ZNF410: variants seen among roughly 807,000 people sequenced by gnomAD.
ZNF410 encodes the protein another partner for ARF 1.
Under a neutral mutation model 54.8 loss-of-function variants are expected in ZNF410, and 18 were observed. The observed-to-expected ratio is 0.33, with a 90% confidence interval of 0.23 to 0.49. ZNF410 has a LOEUF of 0.49. ZNF410 is among the 20% of genes least tolerant of loss of function. The pLI is 0.99. For missense variants in ZNF410, 405 were observed against 569.6 expected, an observed-to-expected ratio of 0.71 and a Z score of 2.94; for synonymous variants, 191 against 207.3, an observed-to-expected ratio of 0.92 and a Z score of 0.68.
At chr14:73,889,900 G>T (rs1035177944) in intron 1 of ZNF410, among the ~76,000 whole-genome samples, 1 of 150,268 alleles carries the variant, frequency 6.7e-6, no homozygotes, top group Non-Finnish European at 1.5e-5. Context: ...AGGTCCAAGC[G>T]ATTCCCCTAC....
intron 8 of ZNF410, among the ~76,000 whole-genome samples, chr14:73,917,546 G>T (rs2055686283): frequency 6.6e-6 from 1 of 152,138 alleles, no homozygotes; most frequent in Admixed American, 6.6e-5. Context: ...AGTCCGGCCG[G>T]GCATGGTGAC....
intron 11 of ZNF410, among the ~76,000 whole-genome samples, chr14:73,928,392 A>G (rs1039059966): frequency 6.6e-6 from 1 of 152,154 alleles, no homozygotes; most frequent in Admixed American, 6.5e-5. Context: ...CTGGAGAGGA[A>G]AATTGAGAGC....
intron 7 of ZNF410, chr14:73,905,290 T>A: frequency 2.1e-6 from 1 of 485,490 alleles, no homozygotes; most frequent in East Asian, 3.4e-5. Flanking sequence ...GTAGACAGTG[T>A]TGATTTCTGT....
intron 5 of ZNF410, among the ~76,000 whole-genome samples, chr14:73,899,209 C>A (rs972032567): frequency 1.3e-5 from 2 of 151,452 alleles, no homozygotes; most frequent in Admixed American, 1.3e-4. Context: ...GTTAAAATTT[C>A]TCATAGAGAA....
At chr14:73,899,598 G>T (rs1025803045) in intron 5 of ZNF410, among the ~76,000 whole-genome samples, 1 of 152,078 alleles carries the variant, frequency 6.6e-6, no homozygotes, top group African/African-American at 2.4e-5. Flanking sequence ...TGTCATATTT[G>T]CCAATGAGAA....
intron 10 of ZNF410, chr14:73,922,959 T>A (rs1312677955): frequency 6.5e-6 from 1 of 152,736 alleles, no homozygotes; most frequent in African/African-American, 2.4e-5. Context: ...ATAAACTATT[T>A]CCAGAAGATT....
At chr14:73,926,875 T>C (rs1165753246) in intron 11 of ZNF410, among the ~76,000 whole-genome samples, 3 of 152,282 alleles carry the variant, frequency 2.0e-5, no homozygotes, top group East Asian at 3.9e-4. Context: ...TAGATTCAAT[T>C]TTTCCCCCTT....
intron 10 of ZNF410, chr14:73,922,928 T>G (rs2055776431): frequency 6.6e-6 from 1 of 152,386 alleles, no homozygotes; most frequent in Non-Finnish European, 1.5e-5. Flanking sequence ...TCTAGTTTTT[T>G]GAGGGCTAAG....
intron 8 of ZNF410, among the ~76,000 whole-genome samples, chr14:73,910,453 C>T (rs2055559028): frequency 6.6e-6 from 1 of 152,022 alleles, no homozygotes; most frequent in Non-Finnish European, 1.5e-5. Flanking sequence ...TAATCAGAAG[C>T]ATGGTAGTGG....
chr14:73,889,812 C>T (rs75806807), intron 1 of ZNF410, among the ~76,000 whole-genome samples: 249 of 23,102 alleles, frequency 0.011, 3 homozygotes, highest in Non-Finnish European at 0.016. Context: ...TTTTTTTTTT[C>T]TCGACACAGA....
chr14:73,894,551 T>G, intron 3 of ZNF410: 1 of 627,834 alleles, frequency 1.6e-6, no homozygotes, highest in South Asian at 1.8e-5. Context: ...CTCAGCCTCC[T>G]AAGTAGCTGG....
chr14:73,926,503 G>A (rs191924523), intron 11 of ZNF410, among the ~76,000 whole-genome samples: 167 of 151,892 alleles, frequency 1.1e-3, no homozygotes, highest in African/African-American at 4.0e-3. Context: ...GCGTGATCTC[G>A]GCTCACTGCA....
chr14:73,905,375 A>T (rs2055465252), intron 7 of ZNF410: 1 of 280,148 alleles, frequency 3.6e-6, no homozygotes, highest in African/African-American at 2.2e-5. Context: ...TGTGGACAAA[A>T]TCAGTCTGTG....
chr14:73,930,223 T>C (rs927280013), intron 11 of ZNF410, among the ~76,000 whole-genome samples: 6 of 152,236 alleles, frequency 3.9e-5, no homozygotes, highest in African/African-American at 1.2e-4. Context: ...TATTCTTAAC[T>C]TTCCTGCCAC....
At chr14:73,910,055 G>A (rs1330846967) in intron 8 of ZNF410, among the ~76,000 whole-genome samples, 2 of 152,132 alleles carry the variant, frequency 1.3e-5, no homozygotes, top group East Asian at 3.9e-4. Flanking sequence ...CAGAAGTCAG[G>A]TACAGCGCAG....
chr14:73,914,142 C>G (rs1410994572), intron 8 of ZNF410: 1 of 152,074 alleles, frequency 6.6e-6, no homozygotes, highest in African/African-American at 2.4e-5. Flanking sequence ...TTGGGCAGTC[C>G]TTCCACATCA....
chr14:73,926,730 C>T (rs762728234), intron 11 of ZNF410, among the ~76,000 whole-genome samples: 4 of 102,026 alleles, frequency 3.9e-5, no homozygotes, highest in African/African-American at 5.8e-5. Flanking sequence ...CCACTGCGCC[C>T]GGCCAGGAAT....
rs148725605 is a variant in ZNF410 at position 73,895,924 on chromosome 14, G to A, written c.170-392G>A. ...GCACCAACCTAATACAAAAGTTAAG[G>A]AGAGGGAGCTCTCTCCAGGAAAAAT... On this transcript the variant is annotated intron_variant, in intron 3 of 11. Coordinates refer to ENST00000555044, the MANE Select transcript of ZNF410 (RefSeq NM_021188.3). Among the ~76,000 whole-genome samples, 265 of 152,322 alleles carry A rather than the reference G, an allele frequency of 1.7e-3. 1 individual carries two copies. The highest frequency in any genetic ancestry group is 6.0e-3 in the African/African-American group (248 of 41,578).
chr14:73,921,216 G>T, intron 9 of ZNF410, 111 bp downstream of exon 9: 1 of 1,422,524 alleles, frequency 7.0e-7, no homozygotes, highest in Non-Finnish European at 9.5e-7. Context: ...TGGGTAGATA[G>T]ACCTGGTCTC....
Sources: gnomAD v4.1 joint callset for allele counts (sites outside exome capture counted in the v4.1 genomes callset) on GRCh38, gnomAD v4.1.1 for gene constraint, MANE v1.5 for transcripts, NCBI Gene and HGNC (gene_info 2026-07-23, HGNC 2026-07-21) for gene names.